CADPS: variants seen among roughly 807,000 people sequenced by gnomAD.
CADPS encodes calcium-dependent secretion activator 1.
Under a neutral mutation model 167.3 loss-of-function variants are expected in CADPS, and 57 were observed. That is an observed-to-expected ratio of 0.34 (90% CI 0.28 to 0.42). CADPS has a LOEUF of 0.42. Among genes scored for constraint, CADPS ranks in the 20% least tolerant of loss-of-function variants. CADPS has a pLI of 1.00. For missense variants in CADPS, 1,414 were observed against 1,738.1 expected, an observed-to-expected ratio of 0.81 and a Z score of 3.32; for synonymous variants, 676 against 635.3, an observed-to-expected ratio of 1.06 and a Z score of -0.96.
chr3:62,815,618 A>G (rs531541928), intron 1 of CADPS, among the ~76,000 whole-genome samples: 111 of 152,276 alleles, frequency 7.3e-4, no homozygotes, highest in African/African-American at 2.5e-3. Context: ...GAAGCTTGCT[A>G]TCATACACTC....
intron 3 of CADPS, among the ~76,000 whole-genome samples, chr3:62,742,550 T>C (rs942798945): frequency 1.3e-5 from 2 of 152,130 alleles, no homozygotes; most frequent in Non-Finnish European, 2.9e-5. Flanking sequence ...CAACAAATGG[T>C]GCTGGGATAA....
intron 27 of CADPS, among the ~76,000 whole-genome samples, chr3:62,442,944 GT>G (rs2056601899): frequency 2.0e-5 from 3 of 151,812 alleles, no homozygotes. Context: ...ATGTACTATT[GT>G]TTTCTATAAA....
At chr3:62,416,707 C>T (rs1298500729) in intron 28 of CADPS, among the ~76,000 whole-genome samples, 1 of 152,158 alleles carries the variant, frequency 6.6e-6, no homozygotes, top group East Asian at 1.9e-4. Context: ...AGGTCTCCAG[C>T]TATGGTCTCT....
In CADPS at chr3:62,547,592, C is replaced by A. The variant is rs145358426; in HGVS notation, c.1966+2311G>T. On this transcript the variant is annotated intron_variant, in intron 11 of 29. Transcript: ENST00000383710. ...TAGGGATGATATCATTTACGCCCCC[C>A]CCCCCCCGCAAATTCTAACTCTTAG... Among the ~76,000 whole-genome samples, 34 of 103,386 alleles carry A rather than the reference C, an allele frequency of 3.3e-4. 3 individuals are homozygous for A. In the South Asian group the frequency reaches 7.8e-3, roughly 24 times the overall value. The allele number at this position is 103,386 out of a possible 152,430, so 67.8% of individuals were successfully genotyped here.
At chr3:62,698,660 T>C (rs1025603979) in intron 3 of CADPS, among the ~76,000 whole-genome samples, 1 of 151,452 alleles carries the variant, frequency 6.6e-6, no homozygotes, top group South Asian at 2.1e-4. Flanking sequence ...CTCTTTCTTA[T>C]TCTTTTCCTC....
At chr3:62,554,335 G>T (rs2077768761) in intron 10 of CADPS, among the ~76,000 whole-genome samples, 1 of 152,178 alleles carries the variant, frequency 6.6e-6, no homozygotes, top group Admixed American at 6.5e-5. Flanking sequence ...AGTTTATTTA[G>T]TGGAAATGCT....
chr3:62,483,913 A>T (rs888601408), intron 21 of CADPS, among the ~76,000 whole-genome samples: 9 of 152,232 alleles, frequency 5.9e-5, no homozygotes, highest in African/African-American at 2.2e-4. Flanking sequence ...CAGCCCGGAA[A>T]GTTAAAATGT....
At chr3:62,460,441 C>A (rs888520906) in intron 26 of CADPS, among the ~76,000 whole-genome samples, 2 of 152,222 alleles carry the variant, frequency 1.3e-5, no homozygotes, top group African/African-American at 4.8e-5. Flanking sequence ...TCAACCCACA[C>A]TGTAAAAAGC....
intron 6 of CADPS, among the ~76,000 whole-genome samples, chr3:62,613,217 C>A (rs930024272): frequency 6.6e-6 from 1 of 152,148 alleles, no homozygotes; most frequent in Non-Finnish European, 1.5e-5. Context: ...CAGAAGGAAG[C>A]GATCTACTTA....
intron 26 of CADPS, among the ~76,000 whole-genome samples, chr3:62,460,100 G>A (rs1487599792): frequency 1.3e-5 from 2 of 152,142 alleles, no homozygotes; most frequent in Non-Finnish European, 2.9e-5. Context: ...GCAATTTAGG[G>A]TAGAGTCTTA....
At chr3:62,491,026 T>C (rs955194761) in intron 21 of CADPS, among the ~76,000 whole-genome samples, 3 of 152,190 alleles carry the variant, frequency 2.0e-5, no homozygotes, top group Non-Finnish European at 2.9e-5. Flanking sequence ...GATAACACCA[T>C]TGGAGTAAGA....
intron 1 of CADPS, among the ~76,000 whole-genome samples, chr3:62,819,412 G>A (rs952748320): frequency 4.1e-5 from 3 of 73,488 alleles, no homozygotes; most frequent in Admixed American, 1.3e-4. Flanking sequence ...GTGTGCGTGT[G>A]TGTGTGTGTG....
chr3:62,845,771 C>A (rs1170678582), intron 1 of CADPS, among the ~76,000 whole-genome samples: 1 of 152,092 alleles, frequency 6.6e-6, no homozygotes, highest in African/African-American at 2.4e-5. Flanking sequence ...TTATTTTGAA[C>A]AATTTCCGAT....
intron 1 of CADPS, among the ~76,000 whole-genome samples, chr3:62,769,035 A>C (rs1272875038): frequency 6.6e-6 from 1 of 152,062 alleles, no homozygotes; most frequent in African/African-American, 2.4e-5. Flanking sequence ...TTATTTACTC[A>C]ACTCACTAGC....
chr3:62,481,658 A>C lies in CADPS; in HGVS notation c.3173+65T>G, dbSNP rs2062027612. 3.6e-6 allele frequency: 5 copies of C among 1,405,194 alleles called. No individual in the cohort carries two copies. In the Admixed American group the frequency reaches 1.2e-4, roughly 35 times the overall value. 87.0% of individuals were successfully genotyped at this position (1,405,194 alleles called of 1,614,324 possible). Reference sequence around the variant, plus strand: ...TGTTATATAGGATGTATAGAAATAAACAATACATATCCATGCCAAGATCAC... The same window carrying C: ...TGTTATATAGGATGTATAGAAATAACCAATACATATCCATGCCAAGATCAC... On this transcript the variant is annotated intron_variant, in intron 22 of 29. Coordinates refer to ENST00000383710, the MANE Select transcript of CADPS (RefSeq NM_003716.4).
intron 1 of CADPS, among the ~76,000 whole-genome samples, chr3:62,817,125 CCTCT>C (rs370322652): frequency 2.6e-5 from 4 of 152,092 alleles, no homozygotes; most frequent in Non-Finnish European, 5.9e-5. Flanking sequence ...TAAAATATCT[CCTCT>C]CTATTACATG....
At chr3:62,533,216 C>A (rs755214759) in intron 12 of CADPS, among the ~76,000 whole-genome samples, 158 bp from the exon 13 acceptor site, 1 of 152,054 alleles carries the variant, frequency 6.6e-6, no homozygotes, top group Non-Finnish European at 1.5e-5. Context: ...CAGCATATTG[C>A]GGTTTAGTCC....
chr3:62,567,995 G>T (rs2080586743), intron 9 of CADPS, among the ~76,000 whole-genome samples: 1 of 152,104 alleles, frequency 6.6e-6, no homozygotes, highest in Admixed American at 6.5e-5. Context: ...TCCTGATTTT[G>T]CATGAAAGAC....
At chr3:62,573,042 C>T (rs112991483) in intron 8 of CADPS, among the ~76,000 whole-genome samples, 4,116 of 152,108 alleles carry the variant, frequency 0.027, 182 homozygotes, top group African/African-American at 0.094. Context: ...CCACCATGTC[C>T]GGCTAATTTT....
Sources: allele counts gnomAD v4.1 joint callset (sites outside exome capture counted in the v4.1 genomes callset), GRCh38; gene constraint gnomAD v4.1.1; transcripts MANE v1.5; gene names NCBI Gene and HGNC (gene_info 2026-07-23, HGNC 2026-07-21).